The following XPO5 variants were observed in gnomAD, a reference collection of about 807,000 sequenced individuals.
The protein encoded by XPO5 is exportin-5.
XPO5 carries 46 observed loss-of-function variants against 160.6 expected under a neutral mutation model. The ratio of observed to expected loss-of-function variants is 0.29; its 90% CI spans 0.23 to 0.37. XPO5 has a LOEUF of 0.37. XPO5 is among the 10% of genes least tolerant of loss of function. XPO5 has a pLI of 1.00. For synonymous variants in XPO5, 537 were observed against 519.3 expected (o/e 1.03, Z -0.46); for missense variants, 1,090 against 1,463.9 (o/e 0.74, Z 4.17).
chr6:43,572,315 G>C (rs1424223354), intron 3 of XPO5, among the ~76,000 whole-genome samples, 191 bp downstream of exon 3: 1 of 152,208 alleles, frequency 6.6e-6, no homozygotes, highest in Non-Finnish European at 1.5e-5. Context: ...AGATGCAGGT[G>C]ATCCTCTTAC....
intron 26 of XPO5, chr6:43,527,417 C>T: frequency 4.6e-6 from 2 of 436,676 alleles, no homozygotes; most frequent in East Asian, 9.4e-5. Flanking sequence ...GACTACAGGC[C>T]TGCGCGCCAC....
In XPO5 at chr6:43,546,561, T is replaced by G; in HGVS notation, c.2342+10A>C. The stretch of plus-strand genomic sequence containing the variant: ...GAAAACAACAGAGAAAAGCCATTAT[T>G]CTGACTCACCTTATAAGCGCAAGCA... On this transcript the variant is annotated intron_variant, in intron 20 of 31. Coordinates refer to ENST00000265351, the MANE Select transcript of XPO5 (RefSeq NM_020750.3). 6.3e-7 allele frequency: 1 copy of G among 1,596,958 alleles called. No individual in the cohort carries two copies. Among genetic ancestry groups the G allele is most frequent in the Non-Finnish European group, 8.5e-7 (1 of 1,174,552 alleles).
At chr6:43,575,216 C>A (rs928315047) in intron 1 of XPO5, among the ~76,000 whole-genome samples, 1 of 152,138 alleles carries the variant, frequency 6.6e-6, no homozygotes, top group Admixed American at 6.5e-5. Flanking sequence ...AGTAGGGGTG[C>A]GAGAATTTCC....
chr6:43,539,041 G>C (rs1376747528), intron 20 of XPO5: 10 of 1,545,386 alleles, frequency 6.5e-6, no homozygotes, highest in Non-Finnish European at 3.5e-6. Context: ...AGGTGTAGCA[G>C]TCATCGATAC....
intron 16 of XPO5, 138 bp downstream of exon 16, chr6:43,549,755 A>G (rs1329330501): frequency 8.7e-7 from 1 of 1,155,230 alleles, no homozygotes; most frequent in Non-Finnish European, 1.2e-6. Context: ...TATGCCCTAT[A>G]GTGGCAAAAC....
intron 13 of XPO5, among the ~76,000 whole-genome samples, chr6:43,554,434 T>C (rs1432824870): frequency 6.6e-6 from 1 of 151,270 alleles, no homozygotes; most frequent in Non-Finnish European, 1.5e-5. Flanking sequence ...TTTTTTTTTT[T>C]TTCTTTTTTG....
rs984719297 is a variant in XPO5, at chr6:43,575,963, G to C, written c.-99C>G. 161 of 1,226,428 alleles carry C rather than the reference G, an allele frequency of 1.3e-4. No homozygotes were observed. Among genetic ancestry groups the C allele is most frequent in the Non-Finnish European group, 1.7e-4 (150 of 865,220 alleles). The allele number at this position is 1,226,428 out of a possible 1,614,324, so 76.0% of individuals were successfully genotyped here. A position where few individuals can be genotyped will look rare whatever the true frequency, so the allele number is the denominator to read the frequency against. ...GACCACCCGTTGGTACCGGGCCGCG[G>C]CGGGCGGCGGGGGTGGGAAGCTGGA... On this transcript the variant is annotated 5_prime_UTR_variant, in exon 1 of 32. Transcript: ENST00000265351.
intron 12 of XPO5, among the ~76,000 whole-genome samples, chr6:43,557,233 T>C (rs1762141683): frequency 6.6e-6 from 1 of 151,862 alleles, no homozygotes; most frequent in Non-Finnish European, 1.5e-5. Flanking sequence ...GAGACCATCC[T>C]GGCTAACACA....
At chr6:43,569,710 G>GT (rs1469951425) in intron 5 of XPO5, among the ~76,000 whole-genome samples, 4 of 150,488 alleles carry the variant, frequency 2.7e-5, no homozygotes, top group Non-Finnish European at 5.9e-5. Context: ...TCCAGCATGG[G>GT]TGACAGAGTG....
chr6:43,573,279 A>G, intron 2 of XPO5: 1 of 642,070 alleles, frequency 1.6e-6, no homozygotes, highest in Non-Finnish European at 2.5e-6. Flanking sequence ...CACACACTTT[A>G]CATGGATGAA....
intron 13 of XPO5, 26 bp downstream of exon 13, chr6:43,555,810 A>G (rs756979725): frequency 6.2e-7 from 1 of 1,613,506 alleles, no homozygotes. Context: ...ACATTTCACT[A>G]ACATTCAGTA....
chr6:43,530,659 G>A (rs780674560), intron 23 of XPO5, 29 bp downstream of exon 23: 1 of 1,606,188 alleles, frequency 6.2e-7, no homozygotes, highest in Non-Finnish European at 8.5e-7. Flanking sequence ...CTGACCTTTT[G>A]GGTTATGTAG....
chr6:43,526,023 A>G, intron 27 of XPO5, 102 bp from the exon 28 acceptor site: 11 of 1,354,576 alleles, frequency 8.1e-6, no homozygotes, highest in Non-Finnish European at 1.1e-5. Flanking sequence ...TGAGTGTTCT[A>G]GGCTAAGTGG....
Position 43,524,018 on chromosome 6 carries a change from A to G in XPO5, c.3478-13T>C, listed in dbSNP as rs1326800818. On this transcript the variant is annotated splice_polypyrimidine_tract_variant and intron_variant, in intron 31 of 31. Transcript: ENST00000265351. ...CTCCCAAGGGTTTCTGTGGAAAACAAATGAGAAAGAATTAATGCTGGGCCC... is the reference window on the plus strand; with the variant it reads ...CTCCCAAGGGTTTCTGTGGAAAACAGATGAGAAAGAATTAATGCTGGGCCC... 1 of 1,609,782 alleles carries G rather than the reference A, an allele frequency of 6.2e-7. No individual in the cohort carries two copies. The highest frequency in any genetic ancestry group is 2.2e-5 in the East Asian group (1 of 44,864).
Position 43,573,506 on chromosome 6 carries a change from G to A in XPO5, c.201C>T (p.Gly67=). Reference sequence around the variant, plus strand: ...TGACAACGTGTTCCAGGATCTGAAGGCCAAAATGTCTGACGATGGCAACTT... The same window carrying A: ...TGACAACGTGTTCCAGGATCTGAAGACCAAAATGTCTGACGATGGCAACTT... ...KTQVAIVRHF[G]LQILEHVVKF... Residue 67 remains glycine (G), a synonymous_variant, in exon 2 of 32, where the codon GGC becomes GGT. Transcript: ENST00000265351. 1 of 1,613,620 alleles carries A rather than the reference G, an allele frequency of 6.2e-7. No individual in the cohort carries two copies. The highest frequency in any genetic ancestry group is 1.7e-4 in the Middle Eastern group (1 of 6,060).
At position 43,549,544 on chromosome 6, in the gene XPO5, C is replaced by T; in HGVS notation, c.1805G>A (p.Arg602Lys). Residue 602 changes from arginine (R) to lysine (K), a missense_variant, in exon 17 of 32, where the codon AGG (arginine) becomes AAG (lysine). By Grantham distance (26) the Arg-to-Lys change is conservative. Transcript: ENST00000265351. ...PRTRAVRNVR[R>K]HACSSIIKMC... ...CTTGATGATGGAGGAACAAGCATGC[C>T]TCCTCACATTCCTCACTGCCCGGGT... 1 of 1,613,214 alleles carries T rather than the reference C, an allele frequency of 6.2e-7. No homozygotes were observed. The highest frequency in any genetic ancestry group is 8.5e-7 in the Non-Finnish European group (1 of 1,179,704).
At chr6:43,566,811 TAAAAAAAA>T (rs56147929) in intron 7 of XPO5, among the ~76,000 whole-genome samples, 1 of 101,674 alleles carries the variant, frequency 9.8e-6, no homozygotes, top group African/African-American at 3.7e-5. Flanking sequence ...CTGTTTCAAT[TAAAAAAAA>T]AAAAAAAAAA....
At chr6:43,575,612 G>T in intron 1 of XPO5, 148 bp downstream of exon 1, 1 of 658,084 alleles carries the variant, frequency 1.5e-6, no homozygotes, top group Non-Finnish European at 2.6e-6. Flanking sequence ...GAGGCGCGGA[G>T]GGCCGCGAGG....
intron 2 of XPO5, 186 bp downstream of exon 2, chr6:43,573,294 C>A: frequency 2.7e-6 from 2 of 737,696 alleles, no homozygotes; most frequent in Non-Finnish European, 4.1e-6. Context: ...GATGAAGAAA[C>A]TGAAGAAAAG....
Sources: gnomAD v4.1 joint callset for allele counts (sites outside exome capture counted in the v4.1 genomes callset) on GRCh38, gnomAD v4.1.1 for gene constraint, MANE v1.5 for transcripts, NCBI Gene and HGNC (gene_info 2026-07-23, HGNC 2026-07-21) for gene names.